Variants in H2BC4 observed in about 807,000 individuals in gnomAD.
H2BC4 encodes H2B clustered histone 4, also known as histone H2B type 1-C/E/F/G/I.
In H2BC4, 10 loss-of-function variants were observed where a neutral mutation model predicts 6.2. The observed-to-expected ratio is 1.61, with a 90% CI of 0.99 to 2.73. H2BC4 has a LOEUF of 2.73. Among genes scored for constraint, H2BC4 ranks in the 30% most tolerant of loss-of-function variants. The pLI, the probability that H2BC4 is intolerant of heterozygous loss-of-function variation, is 0.00. For missense variants in H2BC4, 176 were observed against 168.7 expected (o/e 1.04, Z -0.24); for synonymous variants, 146 against 70.7 (o/e 2.07, Z -5.35).
downstream of H2BC4, among the ~76,000 whole-genome samples, chr6:26,120,786 A>G (rs1487272527): frequency 6.6e-6 from 1 of 152,180 alleles, no homozygotes; most frequent in African/African-American, 2.4e-5. Context: ...CTGACTCAAT[A>G]GTCCAATTTG....
downstream of H2BC4, among the ~76,000 whole-genome samples, chr6:26,114,649 A>G (rs779963961): frequency 1.4e-4 from 22 of 152,056 alleles, no homozygotes; most frequent in Non-Finnish European, 2.8e-4. Flanking sequence ...TGTGAGCTAT[A>G]TAATCTATAA....
In H2BC4 at chr6:26,123,653, G is replaced by T; in HGVS notation, c.252C>A (p.Tyr84Ter). The T allele has an allele frequency of 4.3e-6, 7 of 1,614,268 alleles. No homozygotes were observed. The highest frequency in any genetic ancestry group is 1.1e-5 in the South Asian group (1 of 91,088). ...IAGEASRLAH[Y>*]NKRSTITSRE... The stretch of plus-strand genomic sequence containing the variant: ...TGGAGGTGATGGTCGAGCGCTTGTT[G>T]TAATGCGCCAGGCGGGAAGCCTCGC... The change falls in exon 1 of 1, where the codon TAC becomes TAA. Residue 84 changes from tyrosine (Y) to a stop codon, truncating the protein, a stop_gained. Coordinates refer to ENST00000396984, the MANE Select transcript of H2BC4 (RefSeq NM_003526.3). LOFTEE classifies it high-confidence loss of function.
chr6:26,116,457 C>A (rs1417308080), intron 1 of H2BC4, among the ~76,000 whole-genome samples: 2 of 152,130 alleles, frequency 1.3e-5, no homozygotes, highest in African/African-American at 4.8e-5. Context: ...ATTTGGGAGG[C>A]TGAGGCAGGA....
chr6:26,120,040 A>T (rs1763479099), downstream of H2BC4, among the ~76,000 whole-genome samples: 1 of 152,072 alleles, frequency 6.6e-6, no homozygotes, highest in Non-Finnish European at 1.5e-5. Flanking sequence ...ATTTTTTTTT[A>T]GACAAATGAG....
At chr6:26,117,672 C>G (rs535505604) in intron 1 of H2BC4, among the ~76,000 whole-genome samples, 5 of 152,250 alleles carry the variant, frequency 3.3e-5, no homozygotes, top group Admixed American at 3.3e-4. Flanking sequence ...CAAACTGTGA[C>G]TGAAAGACAT....
chr6:26,116,430 C>T (rs551910082), intron 1 of H2BC4, among the ~76,000 whole-genome samples: 1 of 152,164 alleles, frequency 6.6e-6, no homozygotes, highest in Non-Finnish European at 1.5e-5. Context: ...CAGTGACTCA[C>T]ACTAGTAATC....
At chr6:26,119,563 T>C (rs1763471656), downstream of H2BC4, among the ~76,000 whole-genome samples, 2 of 152,180 alleles carry the variant, frequency 1.3e-5, no homozygotes, top group South Asian at 4.1e-4. Flanking sequence ...CATTATCTAT[T>C]ATCATTTAAT....
chr6:26,123,025 T>C (rs962875147), downstream of H2BC4, among the ~76,000 whole-genome samples: 2 of 152,182 alleles, frequency 1.3e-5, no homozygotes, highest in African/African-American at 2.4e-5. Flanking sequence ...AGTCCTTCCT[T>C]AGGCAGTTAC....
chr6:26,113,482 G>A (rs868560083), downstream of H2BC4, among the ~76,000 whole-genome samples: 1 of 152,200 alleles, frequency 6.6e-6, no homozygotes, highest in African/African-American at 2.4e-5. Flanking sequence ...TGACTGTGAG[G>A]TGGCTATCTA....
At chr6:26,123,293 C>G, downstream of H2BC4, 1 of 717,646 alleles carries the variant, frequency 1.4e-6, no homozygotes, top group Non-Finnish European at 2.1e-6. Flanking sequence ...AATTTAAGCA[C>G]AACGAATTGA....
downstream of H2BC4, among the ~76,000 whole-genome samples, chr6:26,113,808 T>A (rs2113792365): frequency 6.6e-6 from 1 of 152,014 alleles, no homozygotes; most frequent in Non-Finnish European, 1.5e-5. Flanking sequence ...ACCTTCTCAC[T>A]GTGAGAGCTC....
At chr6:26,123,196 A>T (rs1384673733), downstream of H2BC4, among the ~76,000 whole-genome samples, 1 of 152,228 alleles carries the variant, frequency 6.6e-6, no homozygotes, top group African/African-American at 2.4e-5. Flanking sequence ...GTAGACAGGG[A>T]CAGACAGCTG....
chr6:26,123,620 G>A lies in H2BC4; in HGVS notation c.285C>T (p.Ile95=), dbSNP rs772573839. 9 of 1,614,152 alleles carry A rather than the reference G, an allele frequency of 5.6e-6. No individual in the cohort carries two copies. Among genetic ancestry groups the A allele is most frequent in the African/African-American group, 2.7e-5 (2 of 74,952 alleles). ...NKRSTITSRE[I]QTAVRLLLPG... ...GAAGCAGCAGGCGCACGGCCGTCTG[G>A]ATCTCCCTGGAGGTGATGGTCGAGC... is the stretch of plus-strand genomic sequence containing the variant. The change falls in exon 1 of 1, where the codon ATC becomes ATT. Residue 95 remains isoleucine, a synonymous_variant. Coordinates refer to ENST00000396984, the MANE Select transcript of H2BC4 (RefSeq NM_003526.3).
At chr6:26,118,638 A>T (rs1210070313), downstream of H2BC4, among the ~76,000 whole-genome samples, 1 of 152,222 alleles carries the variant, frequency 6.6e-6, no homozygotes, top group African/African-American at 2.4e-5. Context: ...AGGTAAAAGA[A>T]GGAAGAAGCT....
chr6:26,117,110 G>T (rs951041527), intron 1 of H2BC4, among the ~76,000 whole-genome samples: 13 of 151,944 alleles, frequency 8.6e-5, no homozygotes, highest in African/African-American at 3.1e-4. Flanking sequence ...TATGTTCAGG[G>T]AAAAAAAGTG....
downstream of H2BC4, among the ~76,000 whole-genome samples, chr6:26,120,431 A>G (rs1010801675): frequency 2.6e-5 from 4 of 152,064 alleles, no homozygotes; most frequent in Non-Finnish European, 5.9e-5. Context: ...CCTGGGCCAC[A>G]GAGCAAAATT....
At chr6:26,119,726 C>A (rs970408691), downstream of H2BC4, among the ~76,000 whole-genome samples, 1 of 148,762 alleles carries the variant, frequency 6.7e-6, no homozygotes, top group African/African-American at 2.6e-5. Context: ...CTTGTGTATA[C>A]TATAATATTC....
downstream of H2BC4, among the ~76,000 whole-genome samples, chr6:26,121,734 A>T (rs1374666699): frequency 6.6e-6 from 1 of 151,884 alleles, no homozygotes; most frequent in Non-Finnish European, 1.5e-5. Context: ...ATAAGTGACC[A>T]GGTCCATTAG....
At chr6:26,119,206 C>T (rs971129806), downstream of H2BC4, among the ~76,000 whole-genome samples, 2 of 152,080 alleles carry the variant, frequency 1.3e-5, no homozygotes, top group African/African-American at 4.8e-5. Context: ...CTGCATGGTC[C>T]TCTACGCCCA....
Sources: gnomAD v4.1 joint callset for allele counts (sites outside exome capture counted in the v4.1 genomes callset) on GRCh38, gnomAD v4.1.1 for gene constraint, MANE v1.5 for transcripts, NCBI Gene and HGNC (gene_info 2026-07-23, HGNC 2026-07-21) for gene names.